Variants in SRRM3 observed in about 807,000 individuals in gnomAD.
The protein encoded by SRRM3 is serine/arginine repetitive matrix protein 3.
Under a neutral mutation model 66.2 loss-of-function variants are expected in SRRM3, and 27 were observed. The observed-to-expected ratio is 0.41, with a 90% confidence interval of 0.30 to 0.56. The LOEUF (loss-of-function observed/expected upper bound fraction) is 0.56, where lower values mean the gene tolerates loss of function less well. SRRM3 is among the 20% of genes least tolerant of loss of function. SRRM3 has a pLI of 0.32. For synonymous variants in SRRM3, 391 were observed against 414.9 expected (o/e 0.94, Z 0.70); for missense variants, 918 against 991.9 (o/e 0.93, Z 1.00).
chr7:76,244,610 T>C (rs1202621858), intron 2 of SRRM3, among the ~76,000 whole-genome samples: 1 of 150,944 alleles, frequency 6.6e-6, no homozygotes, highest in Non-Finnish European at 1.5e-5. Flanking sequence ...ATTCAATTGG[T>C]CCCCAAGTCC....
chr7:76,259,695 G>A (rs1801804433), intron 3 of SRRM3, among the ~76,000 whole-genome samples: 1 of 152,190 alleles, frequency 6.6e-6, no homozygotes, highest in Non-Finnish European at 1.5e-5. Context: ...ATTGTACCGT[G>A]AGGTCGGGGA....
chr7:76,266,982 T>A (rs1479101003), intron 10 of SRRM3, among the ~76,000 whole-genome samples: 5 of 151,944 alleles, frequency 3.3e-5, no homozygotes, highest in Non-Finnish European at 5.9e-5. Flanking sequence ...CTAATAATAA[T>A]TTTTAAAAAG....
intron 11 of SRRM3, among the ~76,000 whole-genome samples, chr7:76,275,632 G>A (rs1360508781): frequency 6.6e-6 from 1 of 152,142 alleles, no homozygotes; most frequent in African/African-American, 2.4e-5. Context: ...GGACCCACGA[G>A]TTGGGTGGTC....
In SRRM3 at chr7:76,255,144, C is replaced by CTTTT. The variant is rs1309988503; in HGVS notation, c.336-4759_336-4758insTTTT. 1.4e-3 allele frequency among the ~76,000 whole-genome samples: 99 copies of CTTTT among 70,294 alleles called. 1 individual carries two copies. The highest frequency in any genetic ancestry group is 5.1e-3 in the African/African-American group (89 of 17,450). 46.1% of individuals were successfully genotyped at this position (70,294 alleles called of 152,430 possible). ...TTTCCTTTTCTTTCTTTCTTTCTTT[C>CTTTT]TTTCTTTTTTTTTTTTTTTTTTTGA... On this transcript the variant is annotated intron_variant, in intron 3 of 14. Transcript: ENST00000611745.
At chr7:76,228,526 C>A (rs1376782632) in intron 1 of SRRM3, among the ~76,000 whole-genome samples, 1 of 151,984 alleles carries the variant, frequency 6.6e-6, no homozygotes, top group Non-Finnish European at 1.5e-5. Context: ...AGTTCAAGAC[C>A]AGTCTGGCCA....
intron 1 of SRRM3, among the ~76,000 whole-genome samples, chr7:76,220,772 C>T (rs1274453750): frequency 6.6e-6 from 1 of 152,208 alleles, no homozygotes; most frequent in Non-Finnish European, 1.5e-5. Context: ...GGAACCAGCC[C>T]TCCCACCCCC....
chr7:76,233,006 G>T (rs1239886387), intron 1 of SRRM3, among the ~76,000 whole-genome samples: 1 of 151,958 alleles, frequency 6.6e-6, no homozygotes, highest in Non-Finnish European at 1.5e-5. Context: ...GAGCGATGTT[G>T]AGAAGAAGGG....
chr7:76,281,424 G>T lies in SRRM3; in HGVS notation c.1009-17G>T. Reference sequence around the variant, plus strand: ...CCTCTCCCCCCTCCGTGCCCTGTCTGCCTCTCTCCCCGTCAGAAGCCCAGC... The same window carrying T: ...CCTCTCCCCCCTCCGTGCCCTGTCTTCCTCTCTCCCCGTCAGAAGCCCAGC... On this transcript the variant is annotated splice_polypyrimidine_tract_variant and intron_variant, in intron 11 of 14. Transcript: ENST00000611745. The T allele has an allele frequency of 8.1e-7, 1 of 1,229,964 alleles. No individual in the cohort carries two copies. The allele number at this position is 1,229,964 out of a possible 1,614,324, so 76.2% of individuals were successfully genotyped here.
intron 3 of SRRM3, among the ~76,000 whole-genome samples, chr7:76,255,296 T>A (rs1207850138): frequency 6.6e-6 from 1 of 151,850 alleles, no homozygotes; most frequent in Admixed American, 6.6e-5. Context: ...ATTACAGGCA[T>A]GTGCCACCAC....
intron 1 of SRRM3, among the ~76,000 whole-genome samples, chr7:76,230,797 C>T (rs2116985900): frequency 6.7e-6 from 1 of 150,298 alleles, no homozygotes; most frequent in East Asian, 2.0e-4. Context: ...GTCGCCCAGG[C>T]TGAAATACAA....
chr7:76,267,567 T>C, intron 11 of SRRM3, 132 bp downstream of exon 11: 1 of 724,606 alleles, frequency 1.4e-6, no homozygotes, highest in Non-Finnish European at 1.9e-6. Context: ...GCTTCCTCCC[T>C]CCTCGGCTCC....
Position 76,285,514 on chromosome 7 carries a change from A to G in SRRM3, c.1734-101A>G. The G allele has an allele frequency of 1.1e-6, 1 of 909,356 alleles. No homozygotes were observed. The highest frequency in any genetic ancestry group is 1.7e-6 in the Non-Finnish European group (1 of 601,636). The allele number at this position is 909,356 out of a possible 1,614,324, so 56.3% of individuals were successfully genotyped here. On this transcript the variant is annotated intron_variant, in intron 14 of 14. Coordinates refer to ENST00000611745, the MANE Select transcript of SRRM3 (RefSeq NM_001110199.3). The surrounding 1 kb of genome is among the most constrained non-coding windows in gnomAD (Gnocchi z 4.1). Reference sequence around the variant, plus strand: ...CATTTGGAGAAGGCAGGTGTCTCTAAGGCCAGGGCTCAGGGGAAACTGAGG... The same window carrying G: ...CATTTGGAGAAGGCAGGTGTCTCTAGGGCCAGGGCTCAGGGGAAACTGAGG...
At chr7:76,267,175 G>C (rs1189343220) in intron 10 of SRRM3, 83 bp from the exon 11 acceptor site, 2 of 1,282,114 alleles carry the variant, frequency 1.6e-6, no homozygotes, top group East Asian at 6.2e-5. Flanking sequence ...CCGTGCTGGG[G>C]AAGGGGGAAA....
intron 1 of SRRM3, among the ~76,000 whole-genome samples, chr7:76,232,903 A>T (rs1801048427): frequency 1.3e-5 from 2 of 151,778 alleles, no homozygotes; most frequent in Admixed American, 1.3e-4. Context: ...GGGAGCAGGG[A>T]GGCCAGGCAA....
chr7:76,217,873 T>C (rs2116954978), intron 1 of SRRM3, among the ~76,000 whole-genome samples: 1 of 152,202 alleles, frequency 6.6e-6, no homozygotes, highest in Admixed American at 6.5e-5. Flanking sequence ...GTCAGGTGGT[T>C]AGGTAGGATG....
rs996489202 is a variant in SRRM3, at chr7:76,211,376, G to A, written c.-40+9309G>A. Among the ~76,000 whole-genome samples, 13 of 148,488 alleles carry A rather than the reference G, an allele frequency of 8.8e-5. 1 individual carries two copies. The highest frequency in any genetic ancestry group is 4.8e-4 in the Admixed American group (7 of 14,710). ...CTGGAGTGCCAGGGTCCGGGCGGAG[G>A]AGCGAAAGCCCGGGTTGGAGACAGG... On this transcript the variant is annotated intron_variant, in intron 1 of 14. Coordinates refer to ENST00000611745, the MANE Select transcript of SRRM3 (RefSeq NM_001110199.3).
rs933816064 is a variant in SRRM3 at position 76,248,280 on chromosome 7, G to A, written c.326G>A (p.Gly109Glu). ...GTGCTCACCAGGGAGGACCGGCCTGGGGGCCACATGTGAGTGCTTACCTGT... is the reference window on the plus strand; with the variant it reads ...GTGCTCACCAGGGAGGACCGGCCTGAGGGCCACATGTGAGTGCTTACCTGT... ...EGVLTREDRP[G>E]GHIVAETPRL... The change falls in exon 3 of 15, where the codon GGG becomes GAG. Residue 109 changes from glycine (G) to glutamate (E), a missense_variant. Coordinates refer to ENST00000611745, the MANE Select transcript of SRRM3 (RefSeq NM_001110199.3). The A allele has an allele frequency of 1.2e-6, 2 of 1,613,134 alleles. No homozygotes were observed. Among genetic ancestry groups the A allele is most frequent in the Non-Finnish European group, 1.7e-6 (2 of 1,179,424 alleles).
intron 14 of SRRM3, among the ~76,000 whole-genome samples, chr7:76,283,311 G>C (rs1217697498): frequency 5.3e-5 from 8 of 151,876 alleles, no homozygotes; most frequent in Non-Finnish European, 1.2e-4. Context: ...GGGTCTATCA[G>C]AGAGACAGGT....
At chr7:76,219,686 A>G (rs1403373048) in intron 1 of SRRM3, among the ~76,000 whole-genome samples, 1 of 152,176 alleles carries the variant, frequency 6.6e-6, no homozygotes, top group Non-Finnish European at 1.5e-5. Context: ...AGGTGGGTGG[A>G]TCACTTGAGG....
Sources: allele counts gnomAD v4.1 joint callset (sites outside exome capture counted in the v4.1 genomes callset), GRCh38; gene constraint gnomAD v4.1.1; non-coding constraint Gnocchi (gnomAD v3.1); transcripts MANE v1.5; gene names NCBI Gene and HGNC (gene_info 2026-07-23, HGNC 2026-07-21).